The following CBFA2T3 variants were observed in gnomAD, a reference collection of about 807,000 sequenced individuals.
CBFA2T3 encodes the protein CBFA2/RUNX1 partner transcriptional co-repressor 3.
Under a neutral mutation model 58.6 loss-of-function variants are expected in CBFA2T3, and 31 were observed. The ratio of observed to expected loss-of-function variants is 0.53; its 90% confidence interval spans 0.40 to 0.71. CBFA2T3 has a LOEUF of 0.71. CBFA2T3 is among the 30% of genes least tolerant of loss of function. The probability of loss-of-function intolerance (pLI) is 0.00; values close to 1 mark genes in which losing one functional copy is unlikely to be tolerated. For missense variants in CBFA2T3, 1,076 were observed against 963.1 expected, an observed-to-expected ratio of 1.12 and a Z score of -1.55; for synonymous variants, 531 against 421.9, an observed-to-expected ratio of 1.26 and a Z score of -3.17.
At position 88,977,040 on chromosome 16, in the gene CBFA2T3, T is replaced by G; in HGVS notation, c.-233A>C. ...GGGCTCATGTGACGCGGGGCGGGCC[T>G]GGGGCTGCAGGCTGGGGAAGGTCTC... is the stretch of plus-strand genomic sequence containing the variant. On this transcript the variant is annotated 5_prime_UTR_variant, in exon 1 of 12. Transcript: ENST00000268679. 1 of 464,270 alleles carries G rather than the reference T, an allele frequency of 2.2e-6. No homozygotes were observed. The highest frequency in any genetic ancestry group is 3.9e-6 in the Non-Finnish European group (1 of 257,162). The allele number at this position is 464,270 out of a possible 1,614,324, so 28.8% of individuals were successfully genotyped here. A position where few individuals can be genotyped will look rare whatever the true frequency, so the allele number is the denominator to read the frequency against.
rs116347401 is a variant in CBFA2T3 at position 88,936,273 on chromosome 16, C to T, written c.152-34617G>A. Among the ~76,000 whole-genome samples, 1,493 of 152,282 alleles carry T rather than the reference C, an allele frequency of 9.8e-3. 25 individuals carry two copies. Among genetic ancestry groups the T allele is most frequent in the African/African-American group, 0.034 (1,401 of 41,548 alleles). On this transcript the variant is annotated intron_variant, in intron 1 of 11. Coordinates refer to ENST00000268679, the MANE Select transcript of CBFA2T3 (RefSeq NM_005187.6). The stretch of plus-strand genomic sequence containing the variant: ...AGGTATCTCCCATCCTGGTCTCCGG[C>T]AGGTCCCACCTGCTGCCTCCCCGGT...
At chr16:88,938,344 G>C (rs1034641884) in intron 1 of CBFA2T3, 3 of 152,830 alleles carry the variant, frequency 2.0e-5, no homozygotes, top group Admixed American at 6.5e-5. Context: ...GCCCGGGCAG[G>C]GCTGGACAGG....
At position 88,938,936 on chromosome 16, in the gene CBFA2T3, C is replaced by T. The variant is rs149302081; in HGVS notation, c.152-37280G>A. ...GGTTCCAGAAGCTGGCAGGGAAATG[C>T]CTCACCCACCTCACACCCTCCCTGC... On this transcript the variant is annotated intron_variant, in intron 1 of 11. Transcript: ENST00000268679. 3.4e-3 allele frequency: 514 copies of T among 152,274 alleles called. 3 individuals are homozygous for T. Among genetic ancestry groups the T allele is most frequent in the South Asian group, 0.013 (64 of 4,824 alleles). The allele number at this position is 152,274 out of a possible 1,614,324, so 9.4% of individuals were successfully genotyped here.
At chr16:88,974,198 T>G (rs1024181172) in intron 1 of CBFA2T3, among the ~76,000 whole-genome samples, 1 of 152,128 alleles carries the variant, frequency 6.6e-6, no homozygotes, top group Non-Finnish European at 1.5e-5. Context: ...GACCTCCGCC[T>G]CTTCTTCTGC....
At position 88,907,163 on chromosome 16, in the gene CBFA2T3, C is replaced by G. The variant is rs1395978249; in HGVS notation, c.152-5507G>C. Among the ~76,000 whole-genome samples, 4 of 152,214 alleles carry G rather than the reference C, an allele frequency of 2.6e-5. No homozygotes were observed. The East Asian group carries it at 7.7e-4, about 29-fold the overall frequency. ...AGGGGACCCCGGTCCCCGAGGACAC[C>G]CACATGTATTTTCAAACAGCTCCCG... On this transcript the variant is annotated intron_variant, in intron 1 of 11. Transcript: ENST00000268679.
chr16:88,896,427 C>T (rs143458073), intron 3 of CBFA2T3, among the ~76,000 whole-genome samples: 132 of 152,292 alleles, frequency 8.7e-4, no homozygotes, highest in African/African-American at 2.9e-3. Flanking sequence ...ATAACGGCGT[C>T]GTATTCTGGG....
intron 3 of CBFA2T3, among the ~76,000 whole-genome samples, chr16:88,896,038 T>C (rs1969874508): frequency 6.6e-6 from 1 of 152,146 alleles, no homozygotes; most frequent in South Asian, 2.1e-4. Flanking sequence ...TTCCCCAGCC[T>C]CTCCTGCGCT....
intron 9 of CBFA2T3, chr16:88,881,021 G>A: frequency 2.9e-6 from 2 of 696,292 alleles, no homozygotes; most frequent in Non-Finnish European, 5.2e-6. Flanking sequence ...TGTGTCCTGG[G>A]CCTCTCCTGT....
intron 11 of CBFA2T3, among the ~76,000 whole-genome samples, chr16:88,877,671 C>A (rs968838488): frequency 3.9e-5 from 6 of 152,114 alleles, no homozygotes; most frequent in African/African-American, 1.4e-4. Flanking sequence ...GTCCCCCTCC[C>A]CACCTCTGCC....
At position 88,885,507 on chromosome 16, in the gene CBFA2T3, G is replaced by A. The variant is rs558133215; in HGVS notation, c.894-238C>T. ...CCTGCTCCAGCTGCATGGCATCCTG[G>A]GGCCTGGTGGTCAAAGAGCCGGACT... On this transcript the variant is annotated intron_variant, in intron 6 of 11. Transcript: ENST00000268679. This position sits in a 1 kb window ranked among gnomAD's most constrained non-coding sequence, Gnocchi z 5.3. Among the ~76,000 whole-genome samples the A allele has an allele frequency of 2.0e-5, 3 of 152,128 alleles. No homozygotes were observed. The highest frequency in any genetic ancestry group is 4.4e-5 in the Non-Finnish European group (3 of 67,988).
chr16:88,905,479 G>GC (rs1247639646), intron 1 of CBFA2T3, among the ~76,000 whole-genome samples: 1 of 151,894 alleles, frequency 6.6e-6, no homozygotes, highest in African/African-American at 2.4e-5. Context: ...CCTCTTGTTT[G>GC]ACCTGTTTGC....
chr16:88,943,249 G>C (rs1488520770), intron 1 of CBFA2T3, among the ~76,000 whole-genome samples: 1 of 152,238 alleles, frequency 6.6e-6, no homozygotes, highest in Non-Finnish European at 1.5e-5. Flanking sequence ...GCTGCCCACA[G>C]GGCCTGGGAG....
At chr16:88,921,182 T>C (rs1021924306) in intron 1 of CBFA2T3, among the ~76,000 whole-genome samples, 1 of 152,226 alleles carries the variant, frequency 6.6e-6, no homozygotes. Context: ...TTTTTAAAAA[T>C]GTGTTTTACA....
chr16:88,966,191 A>G (rs1360754358), intron 1 of CBFA2T3, among the ~76,000 whole-genome samples: 2 of 152,200 alleles, frequency 1.3e-5, no homozygotes, highest in Non-Finnish European at 2.9e-5. Flanking sequence ...GCACAGTCCC[A>G]GGACTTCCCC....
chr16:88,950,953 G>A (rs1479132946), intron 1 of CBFA2T3: 8 of 423,718 alleles, frequency 1.9e-5, no homozygotes, highest in African/African-American at 8.0e-5. Context: ...CCCCTGGACC[G>A]GCACCGCCAC....
intron 1 of CBFA2T3, among the ~76,000 whole-genome samples, chr16:88,975,165 C>CCTGCAGCCATGTCAGAGGTCCACCCTGAT (rs1567643912): frequency 2.3e-5 from 2 of 87,416 alleles, no homozygotes; most frequent in Non-Finnish European, 2.6e-5. Flanking sequence ...TCCACCCTGA[C>CCTGCAGCCATGTCAGAGGTCCACCCTGAT]CCTCTCTGCT....
At chr16:88,939,202 C>G (rs962726833) in intron 1 of CBFA2T3, 1 of 152,188 alleles carries the variant, frequency 6.6e-6, no homozygotes. Context: ...CAGGGGGGCT[C>G]GGGCGGCTGG....
intron 1 of CBFA2T3, among the ~76,000 whole-genome samples, chr16:88,973,795 C>T (rs1972717094): frequency 6.6e-6 from 1 of 152,192 alleles, no homozygotes; most frequent in African/African-American, 2.4e-5. Flanking sequence ...TGGACGTGAC[C>T]CCTTTGCCAG....
At chr16:88,882,468 T>A (rs1048198042) in intron 8 of CBFA2T3, among the ~76,000 whole-genome samples, 3 of 139,978 alleles carry the variant, frequency 2.1e-5, no homozygotes, top group African/African-American at 7.9e-5. Context: ...GCTGTGTGCG[T>A]GGGGGTGGCT....
Sources: gnomAD v4.1 joint callset for allele counts (sites outside exome capture counted in the v4.1 genomes callset) on GRCh38, gnomAD v4.1.1 for gene constraint, Gnocchi (gnomAD v3.1) non-coding constraint, MANE v1.5 for transcripts, NCBI Gene and HGNC (gene_info 2026-07-23, HGNC 2026-07-21) for gene names.